The following CNTN4 variants were observed in gnomAD, a reference collection of about 807,000 sequenced individuals.
CNTN4 encodes contactin-4.
In CNTN4, 77 loss-of-function variants were observed where a neutral mutation model predicts 122.5. The ratio of observed to expected loss-of-function variants is 0.63; its 90% CI spans 0.52 to 0.76. The LOEUF (loss-of-function observed/expected upper bound fraction) is 0.76. CNTN4 is among the 30% of genes least tolerant of loss of function. CNTN4 has a pLI of 0.00. For synonymous variants in CNTN4, 512 were observed against 447.0 expected, an observed-to-expected ratio of 1.15 and a Z score of -1.83; for missense variants, 1,256 against 1,259.1, an observed-to-expected ratio of 1.00 and a Z score of 0.04.
At chr3:2,351,483 T>C (rs2044620548) in intron 3 of CNTN4, among the ~76,000 whole-genome samples, 1 of 152,202 alleles carries the variant, frequency 6.6e-6, no homozygotes. Context: ...TGATACTTAG[T>C]TGTATTTGAA....
chr3:2,193,016 C>T (rs181548528), intron 2 of CNTN4, among the ~76,000 whole-genome samples: 13 of 152,190 alleles, frequency 8.5e-5, no homozygotes, highest in African/African-American at 2.9e-4. Flanking sequence ...CTCTGATTTC[C>T]TTATTTCTCT....
intron 12 of CNTN4, among the ~76,000 whole-genome samples, chr3:2,919,222 C>G (rs1248439999): frequency 6.6e-6 from 1 of 150,792 alleles, no homozygotes; most frequent in African/African-American, 2.4e-5. Flanking sequence ...TGTGGTGGCA[C>G]ACATCTGTAG....
intron 2 of CNTN4, among the ~76,000 whole-genome samples, chr3:2,205,107 C>G (rs1355295941): frequency 5.9e-5 from 9 of 151,720 alleles, no homozygotes; most frequent in Non-Finnish European, 1.2e-4. Context: ...CACCAATTGT[C>G]TAGCAAGATT....
intron 2 of CNTN4, among the ~76,000 whole-genome samples, chr3:2,302,612 C>T (rs1230281200): frequency 1.3e-5 from 2 of 152,168 alleles, no homozygotes; most frequent in African/African-American, 4.8e-5. Flanking sequence ...GCCTGAAAAT[C>T]TGTGAGCCAG....
chr3:2,811,899 C>T (rs373859651), intron 6 of CNTN4, among the ~76,000 whole-genome samples: 2 of 152,160 alleles, frequency 1.3e-5, no homozygotes. Context: ...CTCCTGACCT[C>T]AAGCAATCTG....
intron 16 of CNTN4, among the ~76,000 whole-genome samples, chr3:3,033,431 A>G (rs1265548750): frequency 1.3e-5 from 2 of 152,256 alleles, no homozygotes; most frequent in Non-Finnish European, 2.9e-5. Flanking sequence ...GGCATCACGT[A>G]AACGGTGAAG....
intron 14 of CNTN4, among the ~76,000 whole-genome samples, chr3:3,022,098 G>T (rs995931670): frequency 1.3e-5 from 2 of 148,924 alleles, no homozygotes; most frequent in Non-Finnish European, 3.0e-5. Flanking sequence ...AAAAGAATTA[G>T]TTGGGCATGG....
chr3:2,372,706 T>C (rs1373164578), intron 3 of CNTN4, among the ~76,000 whole-genome samples: 3 of 152,098 alleles, frequency 2.0e-5, no homozygotes, highest in Non-Finnish European at 4.4e-5. Flanking sequence ...AAAAACCAAT[T>C]GAGTGAGAGT....
intron 2 of CNTN4, among the ~76,000 whole-genome samples, chr3:2,187,655 G>A (rs139640850): frequency 1.3e-5 from 2 of 152,218 alleles, no homozygotes; most frequent in East Asian, 1.9e-4. Context: ...ACACAATATC[G>A]ACTACATGCA....
intron 3 of CNTN4, among the ~76,000 whole-genome samples, chr3:2,424,901 A>C (rs1009670661): frequency 1.3e-5 from 2 of 152,092 alleles, no homozygotes; most frequent in African/African-American, 4.8e-5. Flanking sequence ...TCCTTTGCCC[A>C]CTTGTTGATG....
intron 6 of CNTN4, among the ~76,000 whole-genome samples, chr3:2,814,284 T>G (rs1456811109): frequency 6.6e-6 from 1 of 152,236 alleles, no homozygotes; most frequent in Admixed American, 6.5e-5. Flanking sequence ...GAAACAATGG[T>G]GCACGGATGT....
At chr3:2,121,223 A>G (rs1454640183) in intron 2 of CNTN4, among the ~76,000 whole-genome samples, 4 of 152,044 alleles carry the variant, frequency 2.6e-5, no homozygotes, top group Non-Finnish European at 4.4e-5. Context: ...CATTTCAGGC[A>G]TAAGAAATTA....
At chr3:2,577,903 A>C (rs1186780389) in intron 4 of CNTN4, among the ~76,000 whole-genome samples, 1 of 152,182 alleles carries the variant, frequency 6.6e-6, no homozygotes, top group South Asian at 2.1e-4. Context: ...GCAGTTTACC[A>C]ACTTCAGCAA....
At chr3:2,558,140 A>C (rs2078798765) in intron 3 of CNTN4, among the ~76,000 whole-genome samples, 1 of 152,246 alleles carries the variant, frequency 6.6e-6, no homozygotes, top group African/African-American at 2.4e-5. Context: ...ACTTGCAGAA[A>C]AGTTGCAAAA....
At chr3:2,758,919 C>G (rs1407358056) in intron 6 of CNTN4, among the ~76,000 whole-genome samples, 1 of 152,128 alleles carries the variant, frequency 6.6e-6, no homozygotes, top group Non-Finnish European at 1.5e-5. Flanking sequence ...AGTTGTACAA[C>G]TGTCACCACT....
At chr3:2,256,089 T>C (rs929660675) in intron 2 of CNTN4, among the ~76,000 whole-genome samples, 7 of 151,834 alleles carry the variant, frequency 4.6e-5, no homozygotes, top group Non-Finnish European at 8.8e-5. Flanking sequence ...CTAGACAGAA[T>C]AAAAAATGAT....
intron 12 of CNTN4, among the ~76,000 whole-genome samples, chr3:2,919,828 T>G (rs561393640): frequency 6.6e-6 from 1 of 152,324 alleles, no homozygotes; most frequent in Non-Finnish European, 1.5e-5. Flanking sequence ...GCTGAAGCCC[T>G]ACTTAAAGCA....
chr3:2,275,927 A>C (rs1323283499), intron 2 of CNTN4, among the ~76,000 whole-genome samples: 1 of 101,694 alleles, frequency 9.8e-6, no homozygotes, highest in Non-Finnish European at 2.2e-5. Context: ...CTCAAAAAAA[A>C]AAAAAAAAAA....
At chr3:2,132,872 T>C (rs1180157662) in intron 2 of CNTN4, among the ~76,000 whole-genome samples, 1 of 152,118 alleles carries the variant, frequency 6.6e-6, no homozygotes, top group Non-Finnish European at 1.5e-5. Context: ...GGAAATAAGA[T>C]GTAGATTTTG....
Sources: gnomAD v4.1 joint callset for allele counts (sites outside exome capture counted in the v4.1 genomes callset) on GRCh38, gnomAD v4.1.1 for gene constraint, MANE v1.5 for transcripts, NCBI Gene and HGNC (gene_info 2026-07-23, HGNC 2026-07-21) for gene names.